The following GYS1 variants were observed in gnomAD, a reference collection of about 807,000 sequenced individuals.
The protein encoded by GYS1 is glycogen synthase 1, also known as glycogen [starch] synthase, muscle.
A neutral mutation model predicts 89.1 loss-of-function variants in GYS1; 60 were observed. The ratio of observed to expected loss-of-function variants is 0.67; its 90% CI spans 0.55 to 0.84. The LOEUF is 0.84. Among genes scored for constraint, GYS1 ranks in the 40% least tolerant of loss-of-function variants. GYS1 has a pLI of 0.00. For missense variants in GYS1, 888 were observed against 1,003.1 expected (o/e 0.89, Z 1.55); for synonymous variants, 366 against 401.7 (o/e 0.91, Z 1.06).
chr19:48,982,440 A>T, intron 6 of GYS1, 65 bp from the exon 7 acceptor site: 1 of 1,600,906 alleles, frequency 6.2e-7, no homozygotes, highest in Non-Finnish European at 8.6e-7. Flanking sequence ...CCTCAAAACT[A>T]CAAATCCCAG....
chr19:48,979,033 G>A (rs1000197725), intron 8 of GYS1, among the ~76,000 whole-genome samples: 4 of 152,160 alleles, frequency 2.6e-5, no homozygotes, highest in Non-Finnish European at 5.9e-5. Flanking sequence ...AGAGGAGGAT[G>A]AAAATAGAAT....
rs142556725 is a variant in GYS1 at position 48,986,597 on chromosome 19, G to A, written c.493-562C>T. 4.2e-3 allele frequency among the ~76,000 whole-genome samples: 629 copies of A among 151,260 alleles called. 1 individual carries two copies. Among genetic ancestry groups the A allele is most frequent in the African/African-American group, 0.015 (599 of 41,156 alleles). ...AGCTCACTGCAATTCCCGCCTCCCA[G>A]GTTCAAGCAATTCTCCTGTCTCAGC... On this transcript the variant is annotated intron_variant, in intron 3 of 15. Transcript: ENST00000323798.
At chr19:48,979,100 G>T (rs1483935381) in intron 8 of GYS1, among the ~76,000 whole-genome samples, 1 of 152,104 alleles carries the variant, frequency 6.6e-6, no homozygotes, top group African/African-American at 2.4e-5. Flanking sequence ...AGTACACATG[G>T]CAAGCCTTCC....
chr19:48,971,188 C>A (rs1361999535), intron 12 of GYS1, among the ~76,000 whole-genome samples, 165 bp from the exon 13 acceptor site: 1 of 152,198 alleles, frequency 6.6e-6, no homozygotes, highest in Admixed American at 6.5e-5. Flanking sequence ...TTCCCTATTT[C>A]TCAGAGGGGA....
chr19:48,970,331 C>T (rs910620750), intron 14 of GYS1: 1 of 567,066 alleles, frequency 1.8e-6, no homozygotes, highest in Non-Finnish European at 3.2e-6. Context: ...GTTGCCCAGG[C>T]TGGTCTCTTA....
chr19:48,985,705 A>T, intron 4 of GYS1, 100 bp from the exon 5 acceptor site: 1 of 1,521,550 alleles, frequency 6.6e-7, no homozygotes, highest in Non-Finnish European at 9.1e-7. Context: ...TGGGGGCTGG[A>T]TTCCTGGGTC....
intron 3 of GYS1, 56 bp from the exon 4 acceptor site, chr19:48,986,091 C>G: frequency 2.0e-6 from 3 of 1,534,204 alleles, no homozygotes; most frequent in Middle Eastern, 3.4e-4. Flanking sequence ...AAAGAATCGG[C>G]AATCCCCAGT....
chr19:48,991,607 G>A lies in GYS1; in HGVS notation c.119-124C>T. On this transcript the variant is annotated intron_variant, in intron 1 of 15. Coordinates refer to ENST00000323798, the MANE Select transcript of GYS1 (RefSeq NM_002103.5). This position sits in a 1 kb window ranked among gnomAD's most constrained non-coding sequence, Gnocchi z 4.7. ...AGACCTCTAGCTCAGGGGGAAGAGG[G>A]GACTGGGAGCCCATAGTTTGGAGTA... 2.0e-6 allele frequency: 2 copies of A among 1,024,294 alleles called. No individual in the cohort carries two copies. Among genetic ancestry groups the A allele is most frequent in the Admixed American group, 3.9e-5 (2 of 50,962 alleles). The allele number at this position is 1,024,294 out of a possible 1,614,324, so 63.5% of individuals were successfully genotyped here.
chr19:48,987,052 T>C, intron 3 of GYS1, 142 bp downstream of exon 3: 1 of 708,472 alleles, frequency 1.4e-6, no homozygotes, highest in Admixed American at 2.0e-5. Flanking sequence ...TGGATGTTCA[T>C]GTCCTCAAAG....
intron 2 of GYS1, among the ~76,000 whole-genome samples, chr19:48,988,016 A>T (rs2038868404): frequency 1.3e-5 from 2 of 152,110 alleles, no homozygotes; most frequent in Non-Finnish European, 2.9e-5. Flanking sequence ...GTTAGCCAGG[A>T]TGATCTCCAT....
intron 2 of GYS1, among the ~76,000 whole-genome samples, chr19:48,990,692 C>T (rs949982937): frequency 1.3e-5 from 2 of 152,222 alleles, no homozygotes; most frequent in Non-Finnish European, 2.9e-5. Context: ...TGTCCATTAG[C>T]CAAGGACACA....
Position 48,977,828 on chromosome 19 carries a change from G to A in GYS1, c.1308+96C>T, listed in dbSNP as rs1277953199. 9.0e-6 allele frequency: 8 copies of A among 887,012 alleles called. No individual in the cohort carries two copies. The East Asian group carries it at 1.9e-4, about 21-fold the overall frequency. 54.9% of individuals were successfully genotyped at this position (887,012 alleles called of 1,614,324 possible). A position where few individuals can be genotyped will look rare whatever the true frequency, so the allele number is the denominator to read the frequency against. On this transcript the variant is annotated intron_variant, in intron 10 of 15. Coordinates refer to ENST00000323798, the MANE Select transcript of GYS1 (RefSeq NM_002103.5). The stretch of plus-strand genomic sequence containing the variant: ...CATAAAGGGCTGCAGGAGAAAGCAG[G>A]ACTCCCAGCAATCTCTGGGGTCTGA...
intron 7 of GYS1, among the ~76,000 whole-genome samples, chr19:48,981,909 T>C (rs1421046475): frequency 6.6e-6 from 1 of 151,882 alleles, no homozygotes. Context: ...TGTTTTGTTT[T>C]TGAGACAGCG....
chr19:48,982,405 C>A, intron 6 of GYS1, 30 bp from the exon 7 acceptor site: 3 of 1,613,380 alleles, frequency 1.9e-6, no homozygotes, highest in South Asian at 2.2e-5. Context: ...CGGTAAAGCC[C>A]AAAGCCCTCA....
Position 48,985,453 on chromosome 19 carries a change from G to T in GYS1, c.823+8C>A. 6.2e-7 allele frequency: 1 copy of T among 1,613,032 alleles called. No homozygotes were observed. ...ATTCACGTCTGGGGACTTCAGCCCA[G>T]CCCCTACCTGGTTTCCTCTTGAGCA... On this transcript the variant is annotated splice_region_variant and intron_variant, in intron 5 of 15. Coordinates refer to ENST00000323798, the MANE Select transcript of GYS1 (RefSeq NM_002103.5).
rs749468005 is a variant in GYS1 at position 48,981,644 on chromosome 19, G to A, written c.1063-8C>T. The A allele has an allele frequency of 7.0e-6, 11 of 1,581,206 alleles. No homozygotes were observed. The highest frequency in any genetic ancestry group is 9.6e-6 in the Non-Finnish European group (11 of 1,150,024). On this transcript the variant is annotated splice_region_variant and splice_polypyrimidine_tract_variant and intron_variant, in intron 7 of 15. Transcript: ENST00000323798. ...CTGCTCGCTGCCGTTCACCTGCGCAGAAAGAAAGGAGGGGGAGGCCAGGAT... is the reference window on the plus strand; with the variant it reads ...CTGCTCGCTGCCGTTCACCTGCGCAAAAAGAAAGGAGGGGGAGGCCAGGAT...
rs1438486992 is a variant in GYS1 at position 48,982,843 on chromosome 19, A to C, written c.824-6T>G. ...CCCATTGGGGGTCACAATATCTGGG[A>C]TTGGGGGTGAGGGTCCCATGTTTTA... On this transcript the variant is annotated splice_region_variant and splice_polypyrimidine_tract_variant and intron_variant, in intron 5 of 15. Transcript: ENST00000323798. 6.6e-7 allele frequency: 1 copy of C among 1,525,778 alleles called. No individual in the cohort carries two copies. The highest frequency in any genetic ancestry group is 9.1e-7 in the Non-Finnish European group (1 of 1,099,336). 94.5% of individuals were successfully genotyped at this position (1,525,778 alleles called of 1,614,324 possible). A position where few individuals can be genotyped will look rare whatever the true frequency, so the allele number is the denominator to read the frequency against.
At position 48,968,778 on chromosome 19, in the gene GYS1, C is replaced by T. The variant is rs1459158311; in HGVS notation, c.*510G>A. ...TTCTGGAGTTGAAATGGAGGACCAT[C>T]TGCTCTCAGTTACCTTCAAACTCTG... On this transcript the variant is annotated 3_prime_UTR_variant, in exon 16 of 16. Coordinates refer to ENST00000323798, the MANE Select transcript of GYS1 (RefSeq NM_002103.5). 4.4e-6 allele frequency: 2 copies of T among 454,490 alleles called. No individual in the cohort carries two copies. The allele number at this position is 454,490 out of a possible 1,614,324, so 28.2% of individuals were successfully genotyped here. A position where few individuals can be genotyped will look rare whatever the true frequency, so the allele number is the denominator to read the frequency against.
chr19:48,979,589 AG>A (rs1568620822), intron 8 of GYS1, among the ~76,000 whole-genome samples: 1 of 147,594 alleles, frequency 6.8e-6, no homozygotes, highest in Non-Finnish European at 1.5e-5. Context: ...TGCCCTCCTC[AG>A]CCTCCCAAAG....
Sources: gnomAD v4.1 joint callset for allele counts (sites outside exome capture counted in the v4.1 genomes callset) on GRCh38, gnomAD v4.1.1 for gene constraint, Gnocchi (gnomAD v3.1) non-coding constraint, MANE v1.5 for transcripts, NCBI Gene and HGNC (gene_info 2026-07-23, HGNC 2026-07-21) for gene names.